Variants in KCNQ3 observed in about 807,000 individuals in gnomAD.
KCNQ3 encodes the protein potassium voltage-gated channel subfamily Q member 3.
A neutral mutation model predicts 92.5 loss-of-function variants in KCNQ3; 30 were observed. The ratio of observed to expected loss-of-function variants is 0.32; its 90% CI spans 0.24 to 0.44. The LOEUF (loss-of-function observed/expected upper bound fraction) is 0.44. Ranked by LOEUF, KCNQ3 falls within the 20% of genes least tolerant of loss-of-function variation. The pLI is 1.00. For synonymous variants in KCNQ3, 450 were observed against 468.8 expected (o/e 0.96, Z 0.52); for missense variants, 913 against 1,140.3 (o/e 0.80, Z 2.87).
chr8:132,386,859 C>G (rs75635413), intron 1 of KCNQ3, among the ~76,000 whole-genome samples: 24,009 of 152,040 alleles, frequency 0.16, 2,212 homozygotes, highest in African/African-American at 0.26. Flanking sequence ...CAGAAATTCT[C>G]TAAATACATT....
At chr8:132,430,000 T>C (rs1308788157) in intron 1 of KCNQ3, among the ~76,000 whole-genome samples, 1 of 152,098 alleles carries the variant, frequency 6.6e-6, no homozygotes, top group East Asian at 1.9e-4. Flanking sequence ...AAGTGTTTTC[T>C]CATTCTCAGA....
At chr8:132,474,169 TCA>T (rs1822354971) in intron 1 of KCNQ3, among the ~76,000 whole-genome samples, 1 of 152,186 alleles carries the variant, frequency 6.6e-6, no homozygotes, top group South Asian at 2.1e-4. Flanking sequence ...CTCAGGACAG[TCA>T]CAGTGTCAGG....
intron 1 of KCNQ3, among the ~76,000 whole-genome samples, chr8:132,372,692 G>A (rs1027518946): frequency 1.4e-5 from 2 of 148,000 alleles, no homozygotes; most frequent in African/African-American, 2.6e-5. Context: ...AGGAGGCAGT[G>A]GTTTCAGTGA....
At chr8:132,332,499 G>A (rs886885537) in intron 1 of KCNQ3, among the ~76,000 whole-genome samples, 3 of 152,318 alleles carry the variant, frequency 2.0e-5, no homozygotes, top group Admixed American at 6.5e-5. Context: ...ACACAGAGAT[G>A]ATGAATCAAT....
chr8:132,412,275 G>A (rs552286928), intron 1 of KCNQ3, among the ~76,000 whole-genome samples: 18 of 149,194 alleles, frequency 1.2e-4, no homozygotes, highest in African/African-American at 3.5e-4. Context: ...CCCCCCACCC[G>A]CCGGCCCCAA....
chr8:132,347,572 A>G (rs1818729635), intron 1 of KCNQ3, among the ~76,000 whole-genome samples: 1 of 152,216 alleles, frequency 6.6e-6, no homozygotes. Flanking sequence ...GGCCCCTCAG[A>G]GCAAAGGGCA....
intron 1 of KCNQ3, among the ~76,000 whole-genome samples, chr8:132,404,490 C>A (rs1820428347): frequency 6.6e-6 from 1 of 152,066 alleles, no homozygotes. Context: ...ATTGAAAGGC[C>A]CTAAAAGCAA....
At chr8:132,318,449 G>C (rs376855120) in intron 1 of KCNQ3, among the ~76,000 whole-genome samples, 17 of 152,322 alleles carry the variant, frequency 1.1e-4, no homozygotes, top group African/African-American at 4.1e-4. Flanking sequence ...GTAAGACTTT[G>C]TGATTAAAGG....
intron 1 of KCNQ3, among the ~76,000 whole-genome samples, chr8:132,209,689 T>G (rs756706709): frequency 3.9e-5 from 6 of 152,208 alleles, no homozygotes; most frequent in Non-Finnish European, 8.8e-5. Context: ...GCATAAAATA[T>G]TCACCATTTT....
chr8:132,349,449 T>A (rs953455484), intron 1 of KCNQ3, among the ~76,000 whole-genome samples: 2 of 152,270 alleles, frequency 1.3e-5, no homozygotes, highest in African/African-American at 2.4e-5. Context: ...AGAAGTCTGC[T>A]GTACTTGGTG....
chr8:132,196,696 G>A (rs1277785714), intron 1 of KCNQ3, among the ~76,000 whole-genome samples: 1 of 152,188 alleles, frequency 6.6e-6, no homozygotes, highest in African/African-American at 2.4e-5. Context: ...TGAAATGAAG[G>A]AATTAAAGCA....
chr8:132,293,723 C>T (rs1406550624), intron 1 of KCNQ3, among the ~76,000 whole-genome samples: 2 of 152,100 alleles, frequency 1.3e-5, no homozygotes, highest in Non-Finnish European at 2.9e-5. Context: ...GGAGGCGTGT[C>T]ATATCTCTTT....
chr8:132,195,822 G>T (rs58443180), intron 1 of KCNQ3, among the ~76,000 whole-genome samples: 17,723 of 152,134 alleles, frequency 0.12, 1,918 homozygotes, highest in African/African-American at 0.29. Context: ...GATAGAAAAT[G>T]CTATTCCTCG....
intron 7 of KCNQ3, among the ~76,000 whole-genome samples, chr8:132,171,503 T>C (rs1345367852): frequency 6.6e-6 from 1 of 152,152 alleles, no homozygotes; most frequent in Non-Finnish European, 1.5e-5. Context: ...GCCTCTCTCA[T>C]CACCTCTCAC....
chr8:132,187,933 A>ATGG (rs903854260), intron 1 of KCNQ3, among the ~76,000 whole-genome samples: 12 of 148,008 alleles, frequency 8.1e-5, no homozygotes, highest in African/African-American at 5.0e-5. Flanking sequence ...GGTGATAGTG[A>ATGG]TGGTGGTGGT....
At chr8:132,316,399 C>T (rs1241521324) in intron 1 of KCNQ3, among the ~76,000 whole-genome samples, 5 of 152,234 alleles carry the variant, frequency 3.3e-5, no homozygotes, top group African/African-American at 1.2e-4. Flanking sequence ...GGTTAGAATA[C>T]TGGCTCTGCC....
At chr8:132,397,946 C>T in intron 1 of KCNQ3, among the ~76,000 whole-genome samples, 1 of 152,148 alleles carries the variant, frequency 6.6e-6, no homozygotes, top group East Asian at 1.9e-4. Context: ...AGCATATCTA[C>T]TATAAAATAT....
chr8:132,300,636 G>A (rs186815561), intron 1 of KCNQ3, among the ~76,000 whole-genome samples: 3 of 152,280 alleles, frequency 2.0e-5, no homozygotes, highest in Admixed American at 2.0e-4. Flanking sequence ...TAGCAGGTGA[G>A]GAATAGCTAT....
intron 2 of KCNQ3, among the ~76,000 whole-genome samples, chr8:132,185,469 G>T (rs537574720): frequency 6.6e-6 from 1 of 152,254 alleles, no homozygotes. Context: ...CTGAGACTGG[G>T]CCCAGCCCAT....
Sources: gnomAD v4.1 joint callset for allele counts (sites outside exome capture counted in the v4.1 genomes callset) on GRCh38, gnomAD v4.1.1 for gene constraint, MANE v1.5 for transcripts, NCBI Gene and HGNC (gene_info 2026-07-23, HGNC 2026-07-21) for gene names.